The following CLVS1 variants were observed in gnomAD, a reference collection of about 807,000 sequenced individuals.
CLVS1 encodes the protein clavesin-1.
Under a neutral mutation model 33.1 loss-of-function variants are expected in CLVS1, and 10 were observed. That is an observed-to-expected ratio of 0.30 (90% CI 0.19 to 0.51). The LOEUF (loss-of-function observed/expected upper bound fraction) is 0.51. Among genes scored for constraint, CLVS1 ranks in the 20% least tolerant of loss-of-function variants. The pLI is 0.97. For synonymous variants in CLVS1, 163 were observed against 166.1 expected, an observed-to-expected ratio of 0.98 and a Z score of 0.14; for missense variants, 343 against 433.4, an observed-to-expected ratio of 0.79 and a Z score of 1.85.
intron 1 of CLVS1, among the ~76,000 whole-genome samples, chr8:61,295,057 C>A (rs1408076490): frequency 2.6e-5 from 4 of 152,132 alleles, no homozygotes; most frequent in African/African-American, 9.7e-5. Context: ...AATACCATTA[C>A]CTAATTTTCT....
intron 2 of CLVS1, among the ~76,000 whole-genome samples, chr8:61,354,209 G>A (rs570104795): frequency 6.6e-6 from 1 of 152,110 alleles, no homozygotes; most frequent in African/African-American, 2.4e-5. Context: ...CTCACTTGAT[G>A]AAGCCTATTC....
intron 2 of CLVS1, among the ~76,000 whole-genome samples, chr8:61,347,663 T>C (rs1219849475): frequency 9.9e-6 from 1 of 100,698 alleles, no homozygotes; most frequent in South Asian, 3.2e-4. Flanking sequence ...TATATATATA[T>C]ATATATATAT....
At chr8:61,198,713 G>A (rs1348856567) in intron 2 of CLVS1, among the ~76,000 whole-genome samples, 6 of 151,960 alleles carry the variant, frequency 3.9e-5, no homozygotes, top group South Asian at 2.1e-4. Flanking sequence ...TCCCTCACCC[G>A]CCTTCCCTCC....
At chr8:61,233,004 G>A (rs1238595565) in intron 2 of CLVS1, among the ~76,000 whole-genome samples, 2 of 152,140 alleles carry the variant, frequency 1.3e-5, no homozygotes, top group Non-Finnish European at 2.9e-5. Flanking sequence ...GGTAAAATAT[G>A]TTTTTTAAGC....
At chr8:61,291,089 C>A (rs1809971101) in intron 1 of CLVS1, among the ~76,000 whole-genome samples, 1 of 152,140 alleles carries the variant, frequency 6.6e-6, no homozygotes, top group Non-Finnish European at 1.5e-5. Flanking sequence ...ACATCCCCTG[C>A]CCCATAAAAA....
chr8:61,261,249 G>A (rs1159657864), intron 2 of CLVS1, among the ~76,000 whole-genome samples: 1 of 152,132 alleles, frequency 6.6e-6, no homozygotes, highest in Non-Finnish European at 1.5e-5. Flanking sequence ...TGTAAATGCT[G>A]TCATTTGTTC....
chr8:61,202,836 A>AGATGAT (rs1032932433), intron 2 of CLVS1: 2 of 1,020,376 alleles, frequency 2.0e-6, no homozygotes, highest in South Asian at 2.5e-5. Flanking sequence ...CTGCTGATGA[A>AGATGAT]GATGATGATG....
chr8:61,475,893 T>A (rs1408798879), intron 5 of CLVS1, among the ~76,000 whole-genome samples: 1 of 152,172 alleles, frequency 6.6e-6, no homozygotes, highest in Non-Finnish European at 1.5e-5. Context: ...CTGAATAGTA[T>A]TGCCTAGGTT....
At chr8:61,189,480 A>G (rs891274305) in intron 2 of CLVS1, among the ~76,000 whole-genome samples, 8 of 152,226 alleles carry the variant, frequency 5.3e-5, no homozygotes, top group Admixed American at 2.6e-4. Context: ...GAGCAAAATA[A>G]CCAGCTAACA....
chr8:61,380,362 AG>A (rs770628108), intron 3 of CLVS1, among the ~76,000 whole-genome samples: 9 of 152,200 alleles, frequency 5.9e-5, no homozygotes, highest in African/African-American at 1.2e-4. Context: ...ATCATATTGA[AG>A]GCCTCTCTTT....
chr8:61,328,147 C>G (rs1209048398), intron 2 of CLVS1, among the ~76,000 whole-genome samples: 3 of 152,072 alleles, frequency 2.0e-5, no homozygotes, highest in Admixed American at 2.0e-4. Flanking sequence ...ATGAACTTGC[C>G]TGAGACCATA....
intron 1 of CLVS1, among the ~76,000 whole-genome samples, chr8:61,063,684 A>T (rs901020365): frequency 1.3e-5 from 2 of 152,226 alleles, no homozygotes; most frequent in Admixed American, 1.3e-4. Flanking sequence ...AATAATTTAA[A>T]AACGTTCTCA....
chr8:61,287,404 T>C (rs1417109794), upstream of CLVS1, among the ~76,000 whole-genome samples: 2 of 152,216 alleles, frequency 1.3e-5, no homozygotes, highest in Non-Finnish European at 2.9e-5. Flanking sequence ...GCTGCAATTT[T>C]TTAAAGTGGT....
intron 2 of CLVS1, among the ~76,000 whole-genome samples, chr8:61,339,288 C>G (rs1304708680): frequency 1.3e-5 from 2 of 152,150 alleles, no homozygotes; most frequent in Admixed American, 1.3e-4. Context: ...CCCAGCAATC[C>G]CAGTCCCTTG....
At chr8:61,433,091 C>T in intron 3 of CLVS1, among the ~76,000 whole-genome samples, 1 of 152,172 alleles carries the variant, frequency 6.6e-6, no homozygotes, top group Non-Finnish European at 1.5e-5. Context: ...GTAACTAGGA[C>T]TATAGGCACA....
At chr8:61,381,810 T>G (rs1312321205) in intron 3 of CLVS1, among the ~76,000 whole-genome samples, 4 of 152,214 alleles carry the variant, frequency 2.6e-5, no homozygotes, top group African/African-American at 9.6e-5. Context: ...ATAGTGTATA[T>G]TTATCACATT....
rs532407662 is a variant in CLVS1 at position 61,180,541 on chromosome 8, T to A, written c.-152+48681T>A. On this transcript the variant is annotated intron_variant, in intron 2 of 2. Coordinates refer to the CLVS1 transcript ENST00000522621. ...ACCTGACAAAGAGACAACAAAAAAA[T>A]AAAACTTCAGGCCAATATCCTTGAT... 2.6e-4 allele frequency among the ~76,000 whole-genome samples: 39 copies of A among 151,892 alleles called. No homozygotes were observed. The South Asian group carries it at 4.4e-3, about 17-fold the overall frequency.
chr8:61,114,524 A>G (rs1372600288), intron 1 of CLVS1, among the ~76,000 whole-genome samples: 1 of 152,254 alleles, frequency 6.6e-6, no homozygotes, highest in Non-Finnish European at 1.5e-5. Flanking sequence ...CAACTACACT[A>G]TCAGTAGTTT....
At chr8:61,232,041 T>TTTTTTTTTTTTTGTTTTG (rs1554548394) in intron 2 of CLVS1, among the ~76,000 whole-genome samples, 1 of 116,004 alleles carries the variant, frequency 8.6e-6, no homozygotes, top group African/African-American at 4.8e-5. Flanking sequence ...TTTTTTTTTT[T>TTTTTTTTTTTTTGTTTTG]TTTTTTTTTG....
Sources: gnomAD v4.1 joint callset for allele counts (sites outside exome capture counted in the v4.1 genomes callset) on GRCh38, gnomAD v4.1.1 for gene constraint, MANE v1.5 for transcripts, NCBI Gene and HGNC (gene_info 2026-07-23, HGNC 2026-07-21) for gene names.